AGBL4: variants seen among roughly 807,000 people sequenced by gnomAD.
The protein encoded by AGBL4 is cytosolic carboxypeptidase 6.
Under a neutral mutation model 66.4 loss-of-function variants are expected in AGBL4, and 58 were observed. The ratio of observed to expected loss-of-function variants is 0.87; its 90% CI spans 0.71 to 1.09. AGBL4 has a LOEUF of 1.09. AGBL4 is among the 50% of genes least tolerant of loss of function. The pLI is 0.00. For synonymous variants in AGBL4, 234 were observed against 222.9 expected (o/e 1.05, Z -0.44); for missense variants, 579 against 631.0 (o/e 0.92, Z 0.88).
intron 3 of AGBL4, among the ~76,000 whole-genome samples, chr1:49,475,810 C>A (rs1477292061): frequency 6.6e-6 from 1 of 151,888 alleles, no homozygotes; most frequent in Non-Finnish European, 1.5e-5. Context: ...TTATTTGGAT[C>A]TTCTCTCTAT....
At chr1:49,963,266 G>A (rs1048655254) in intron 1 of AGBL4, among the ~76,000 whole-genome samples, 3 of 152,112 alleles carry the variant, frequency 2.0e-5, no homozygotes, top group African/African-American at 4.8e-5. Context: ...CTTCAGTATA[G>A]TTTCTTCCTT....
Position 49,568,970 on chromosome 1 carries a change from A to G in AGBL4, c.282+128343T>C, listed in dbSNP as rs545164140. 1.2e-4 allele frequency among the ~76,000 whole-genome samples: 19 copies of G among 152,334 alleles called. No homozygotes were observed. In the South Asian group the frequency reaches 3.7e-3, roughly 30 times the overall value. On this transcript the variant is annotated intron_variant, in intron 3 of 13. Transcript: ENST00000371839. ...ACTGTTTATGATAGCTAAAATTTGG[A>G]AGTAACCTAAGTGTCCATCAACACA...
intron 9 of AGBL4, among the ~76,000 whole-genome samples, chr1:48,625,438 C>T (rs1180540929): frequency 1.3e-5 from 2 of 152,156 alleles, no homozygotes; most frequent in Non-Finnish European, 2.9e-5. Context: ...ATAACCAATG[C>T]TAAGGCTAAG....
intron 3 of AGBL4, among the ~76,000 whole-genome samples, chr1:49,589,066 T>C (rs1267870519): frequency 6.6e-6 from 1 of 152,138 alleles, no homozygotes; most frequent in Non-Finnish European, 1.5e-5. Flanking sequence ...CAGGAAACAA[T>C]TACCAGTGAA....
chr1:49,917,518 C>T (rs2148228706), intron 1 of AGBL4, among the ~76,000 whole-genome samples: 1 of 152,238 alleles, frequency 6.6e-6, no homozygotes, highest in Non-Finnish European at 1.5e-5. Context: ...GGGATCAATT[C>T]AACAAGAAGA....
chr1:49,624,662 G>A (rs1645431429), intron 3 of AGBL4, among the ~76,000 whole-genome samples: 1 of 152,094 alleles, frequency 6.6e-6, no homozygotes, highest in African/African-American at 2.4e-5. Flanking sequence ...AGCTGGAGCT[G>A]CTACATCCAC....
intron 9 of AGBL4, among the ~76,000 whole-genome samples, chr1:48,609,128 T>C (rs112160068): frequency 8.3e-4 from 127 of 152,126 alleles, no homozygotes; most frequent in African/African-American, 3.0e-3. Context: ...TGTGGATAAA[T>C]GACGGAGACA....
intron 8 of AGBL4, among the ~76,000 whole-genome samples, chr1:48,640,426 A>T (rs1311798617): frequency 6.6e-6 from 1 of 152,228 alleles, no homozygotes; most frequent in Non-Finnish European, 1.5e-5. Flanking sequence ...GAGTGAACAG[A>T]TTAACAAAAG....
At chr1:49,213,109 C>A (rs1320168817) in intron 4 of AGBL4, among the ~76,000 whole-genome samples, 2 of 152,048 alleles carry the variant, frequency 1.3e-5, no homozygotes, top group African/African-American at 4.8e-5. Context: ...TGTCCCTTTC[C>A]TTCAATGGTG....
intron 2 of AGBL4, chr1:49,841,885 G>A (rs1646002235): frequency 3.2e-6 from 2 of 620,722 alleles, no homozygotes; most frequent in South Asian, 1.6e-5. Context: ...CAGAAGCCAG[G>A]GCATGACCCC....
chr1:49,766,476 T>G (rs1212784964), intron 2 of AGBL4, among the ~76,000 whole-genome samples: 1 of 152,014 alleles, frequency 6.6e-6, no homozygotes, highest in East Asian at 1.9e-4. Context: ...TAACACAAAA[T>G]CATGCTTAAG....
At chr1:48,829,933 A>G (rs2148782142) in intron 6 of AGBL4, among the ~76,000 whole-genome samples, 1 of 152,278 alleles carries the variant, frequency 6.6e-6, no homozygotes, top group Non-Finnish European at 1.5e-5. Context: ...GGCTGTCAGC[A>G]TAGTGCAAAG....
chr1:48,969,469 T>G (rs998481327), intron 5 of AGBL4, among the ~76,000 whole-genome samples: 12 of 152,132 alleles, frequency 7.9e-5, no homozygotes, highest in Non-Finnish European at 8.8e-5. Context: ...TTCTTCAAAT[T>G]TACAGTACAG....
At chr1:49,010,334 A>G (rs1462426297) in intron 5 of AGBL4, among the ~76,000 whole-genome samples, 1 of 133,248 alleles carries the variant, frequency 7.5e-6, no homozygotes, top group Non-Finnish European at 1.6e-5. Flanking sequence ...GATGTGAAGG[A>G]CCTCTTCAAG....
chr1:49,269,554 A>G (rs938326067), intron 3 of AGBL4, among the ~76,000 whole-genome samples: 1 of 152,146 alleles, frequency 6.6e-6, no homozygotes, highest in African/African-American at 2.4e-5. Context: ...TTTACTATCT[A>G]TTCTCTCTGA....
chr1:49,913,638 A>C (rs1416122011), intron 1 of AGBL4, among the ~76,000 whole-genome samples: 1 of 152,270 alleles, frequency 6.6e-6, no homozygotes, highest in African/African-American at 2.4e-5. Flanking sequence ...CTTTACACTG[A>C]TAAGTACTGT....
In AGBL4 at chr1:49,207,236, A is replaced by G. The variant is rs368698646; in HGVS notation, c.377+38534T>C. Among the ~76,000 whole-genome samples, 5 of 152,004 alleles carry G rather than the reference A, an allele frequency of 3.3e-5. No homozygotes were observed. In the East Asian group the frequency reaches 7.8e-4, roughly 24 times the overall value. ...GGCAGAATCCAAATTCTCTTACCCT[A>G]CCTGATTTAGCAGAACTGACTGACT... On this transcript the variant is annotated intron_variant, in intron 4 of 13. Coordinates refer to ENST00000371839, the MANE Select transcript of AGBL4 (RefSeq NM_032785.4).
chr1:49,064,052 T>G (rs182172392), intron 4 of AGBL4, among the ~76,000 whole-genome samples: 5 of 152,366 alleles, frequency 3.3e-5, no homozygotes, highest in Admixed American at 2.6e-4. Context: ...TTTTCTGATT[T>G]GTAAAATGGG....
chr1:49,935,483 G>C (rs1262433200), intron 1 of AGBL4, among the ~76,000 whole-genome samples: 1 of 152,140 alleles, frequency 6.6e-6, no homozygotes, highest in Non-Finnish European at 1.5e-5. Context: ...AGAGAGCAGT[G>C]GTTCTCCCAG....
Sources: gnomAD v4.1 joint callset for allele counts (sites outside exome capture counted in the v4.1 genomes callset) on GRCh38, gnomAD v4.1.1 for gene constraint, MANE v1.5 for transcripts, NCBI Gene and HGNC (gene_info 2026-07-23, HGNC 2026-07-21) for gene names.